GLIS3: variants seen among roughly 807,000 people sequenced by gnomAD.
GLIS3 encodes the protein GLIS family zinc finger 3.
GLIS3 carries 53 observed loss-of-function variants against 78.6 expected under a neutral mutation model. The ratio of observed to expected loss-of-function variants is 0.67; its 90% confidence interval spans 0.54 to 0.85. The LOEUF is 0.85. Ranked by LOEUF, GLIS3 falls within the 40% of genes least tolerant of loss-of-function variation. The probability of loss-of-function intolerance (pLI) is 0.00; values close to 1 mark genes in which losing one functional copy is unlikely to be tolerated. For missense variants in GLIS3, 1,703 were observed against 1,231.1 expected (o/e 1.38, Z -5.74); for synonymous variants, 684 against 509.9 (o/e 1.34, Z -4.60).
At chr9:4,371,338 C>A in the GLIS3 span, among the ~76,000 whole-genome samples, 1 of 152,150 alleles carries the variant, frequency 6.6e-6, no homozygotes, top group Non-Finnish European at 1.5e-5. Context: ...TGGGCTGTCC[C>A]CGAAGGCCCA....
the GLIS3 span, among the ~76,000 whole-genome samples, chr9:4,471,558 GA>G: frequency 1.3e-5 from 2 of 152,288 alleles, no homozygotes; most frequent in East Asian, 3.9e-4. Flanking sequence ...GCCGTATATA[GA>G]AAGCTGAAAT....
At chr9:4,256,152 C>T (rs185886230) in intron 2 of GLIS3, among the ~76,000 whole-genome samples, 185 of 152,008 alleles carry the variant, frequency 1.2e-3, no homozygotes, top group African/African-American at 4.3e-3. Context: ...AACAGATGAG[C>T]GACCCCAGGT....
intron 2 of GLIS3, among the ~76,000 whole-genome samples, chr9:4,331,088 T>C (rs894371838): frequency 1.3e-5 from 2 of 151,896 alleles, no homozygotes; most frequent in Non-Finnish European, 2.9e-5. Context: ...ATAAACTGCA[T>C]GATTTAAAAC....
At chr9:4,050,503 A>G (rs1204699908) in intron 4 of GLIS3, among the ~76,000 whole-genome samples, 2 of 152,068 alleles carry the variant, frequency 1.3e-5, no homozygotes, top group South Asian at 2.1e-4. Flanking sequence ...TGTACATGAC[A>G]ATTTGATGGG....
chr9:3,878,037 T>A (rs971692940), intron 8 of GLIS3, among the ~76,000 whole-genome samples: 1 of 152,182 alleles, frequency 6.6e-6, no homozygotes, highest in Non-Finnish European at 1.5e-5. Flanking sequence ...CTGGATGCTG[T>A]CATCCCAAGC....
intron 2 of GLIS3, among the ~76,000 whole-genome samples, chr9:4,260,024 G>A (rs1825357432): frequency 6.6e-6 from 1 of 152,150 alleles, no homozygotes; most frequent in South Asian, 2.1e-4. Context: ...AAACACAGAG[G>A]GAGAAAGGAA....
intron 2 of GLIS3, among the ~76,000 whole-genome samples, chr9:4,192,659 C>T (rs1424928895): frequency 2.6e-5 from 4 of 152,148 alleles, no homozygotes; most frequent in Admixed American, 1.3e-4. Flanking sequence ...ATGCATTCAG[C>T]AAATATTTAT....
chr9:4,352,169 A>C (rs1206415713), upstream of GLIS3, among the ~76,000 whole-genome samples: 1 of 152,236 alleles, frequency 6.6e-6, no homozygotes, highest in Non-Finnish European at 1.5e-5. Context: ...TCTCCTTTAC[A>C]TAAAAAAATA....
At chr9:3,879,646 G>GT (rs1821598600) in intron 7 of GLIS3, 51 bp from the exon 8 acceptor site, 4 of 1,598,978 alleles carry the variant, frequency 2.5e-6, no homozygotes, top group Admixed American at 3.4e-5. Context: ...GGAAGCCCAC[G>GT]TTTTTTAAAT....
At chr9:3,832,578 T>C (rs939070485) in intron 9 of GLIS3, among the ~76,000 whole-genome samples, 2 of 152,124 alleles carry the variant, frequency 1.3e-5, no homozygotes, top group Non-Finnish European at 2.9e-5. Context: ...ACCTGGAATG[T>C]GGAGATGTAT....
chr9:4,485,732 T>TC, the GLIS3 span, among the ~76,000 whole-genome samples: 4 of 151,892 alleles, frequency 2.6e-5, no homozygotes, highest in Non-Finnish European at 4.4e-5. Flanking sequence ...TTTTTTTTTT[T>TC]TGAGACGGAG....
the GLIS3 span, among the ~76,000 whole-genome samples, chr9:4,396,407 G>A: frequency 2.5e-3 from 388 of 152,292 alleles, 1 homozygote; most frequent in African/African-American, 8.6e-3. Flanking sequence ...GGGATTGCAG[G>A]CATGAGCCAC....
the GLIS3 span, among the ~76,000 whole-genome samples, chr9:4,450,949 T>C: frequency 2.6e-5 from 4 of 152,056 alleles, no homozygotes; most frequent in Admixed American, 2.6e-4. Flanking sequence ...AACTAACGGG[T>C]AAAATAACCA....
intron 2 of GLIS3, among the ~76,000 whole-genome samples, chr9:4,236,125 G>C (rs1269358251): frequency 2.4e-5 from 3 of 124,002 alleles, no homozygotes; most frequent in Admixed American, 1.1e-4. Flanking sequence ...TTCTCACACA[G>C]CTTAATAGCT....
At chr9:4,396,865 C>A in the GLIS3 span, among the ~76,000 whole-genome samples, 1 of 151,938 alleles carries the variant, frequency 6.6e-6, no homozygotes, top group Non-Finnish European at 1.5e-5. Context: ...AGCCTGAGTA[C>A]GTCTGAGCAA....
At chr9:4,131,184 GTT>G (rs1182905071) in intron 2 of GLIS3, among the ~76,000 whole-genome samples, 1 of 152,136 alleles carries the variant, frequency 6.6e-6, no homozygotes, top group Non-Finnish European at 1.5e-5. Context: ...TAATTAACTT[GTT>G]TTTTGATTTT....
At chr9:4,068,452 A>C (rs1050159908) in intron 4 of GLIS3, among the ~76,000 whole-genome samples, 5 of 152,192 alleles carry the variant, frequency 3.3e-5, no homozygotes, top group African/African-American at 1.2e-4. Context: ...AAGGGCAAAG[A>C]AATATTTTAT....
chr9:4,114,194 C>A (rs1240308361), intron 4 of GLIS3, among the ~76,000 whole-genome samples: 1 of 152,130 alleles, frequency 6.6e-6, no homozygotes, highest in African/African-American at 2.4e-5. Flanking sequence ...CACCAACAGA[C>A]AGAGCATGCC....
intron 9 of GLIS3, among the ~76,000 whole-genome samples, chr9:3,844,580 T>G (rs1215943744): frequency 6.6e-6 from 1 of 152,190 alleles, no homozygotes; most frequent in Admixed American, 6.5e-5. Flanking sequence ...CATTTTTAAG[T>G]TGACTGACGA....
Sources: allele counts gnomAD v4.1 joint callset (sites outside exome capture counted in the v4.1 genomes callset), GRCh38; gene constraint gnomAD v4.1.1; transcripts MANE v1.5; gene names NCBI Gene and HGNC (gene_info 2026-07-23, HGNC 2026-07-21).